Variants in SLC4A11 observed in about 807,000 individuals in gnomAD.
SLC4A11 encodes the protein solute carrier family 4 member 11, also known as bicarbonate transporter related protein 1.
In SLC4A11, 74 loss-of-function variants were observed where a neutral mutation model predicts 95.0. The observed-to-expected ratio is 0.78, with a 90% CI of 0.65 to 0.95. The LOEUF (loss-of-function observed/expected upper bound fraction) is 0.95. SLC4A11 is among the 40% of genes least tolerant of loss of function. The pLI is 0.00. For missense variants in SLC4A11, 1,081 were observed against 1,192.4 expected (o/e 0.91, Z 1.38); for synonymous variants, 548 against 519.0 (o/e 1.06, Z -0.76).
intron 1 of SLC4A11, 27 bp from the exon 2 acceptor site, chr20:3,237,615 G>GC: frequency 6.2e-7 from 1 of 1,614,056 alleles, no homozygotes; most frequent in Non-Finnish European, 8.5e-7. Flanking sequence ...AAGGTCACCA[G>GC]CCCCATGGAC....
At chr20:3,233,471 C>T (rs370076037) in intron 7 of SLC4A11, 43 bp downstream of exon 7, 65 of 1,611,162 alleles carry the variant, frequency 4.0e-5, no homozygotes, top group Non-Finnish European at 5.3e-5. Flanking sequence ...GCGGGTAACC[C>T]GGGGCCCTCC....
rs773029240 is a variant in SLC4A11 at position 3,230,280 on chromosome 20, C to G, written c.1416-20G>C. The G allele has an allele frequency of 6.2e-7, 1 of 1,613,376 alleles. No individual in the cohort carries two copies. Among genetic ancestry groups the G allele is most frequent in the South Asian group, 1.1e-5 (1 of 91,086 alleles). ...GTCGACCTGCCAGGAGGCCATGAGC[C>G]TCATCAGAGTGGGTGTGGTCAGGGG... On this transcript the variant is annotated intron_variant, in intron 12 of 19. Coordinates refer to ENST00000642402, the MANE Select transcript of SLC4A11 (RefSeq NM_001174089.2).
At chr20:3,233,807 G>T in intron 6 of SLC4A11, 114 bp downstream of exon 6, 2 of 1,513,626 alleles carry the variant, frequency 1.3e-6, no homozygotes, top group African/African-American at 2.7e-5. Flanking sequence ...CAAGTTGGTT[G>T]GGCCGCCAGA....
chr20:3,238,868 A>G (rs2068071442), intron 1 of SLC4A11: 4 of 1,224,186 alleles, frequency 3.3e-6, no homozygotes, highest in African/African-American at 1.6e-5. Context: ...CAAGACGGCG[A>G]CAGCAGAGCC....
At chr20:3,228,814 G>C in intron 17 of SLC4A11, 24 bp downstream of exon 17, 1 of 1,613,572 alleles carries the variant, frequency 6.2e-7, no homozygotes, top group Non-Finnish European at 8.5e-7. Flanking sequence ...CAGGGTCCAC[G>C]GCTCTTGCCA....
chr20:3,228,470 T>A, intron 18 of SLC4A11, 42 bp from the exon 19 acceptor site: 1 of 1,612,860 alleles, frequency 6.2e-7, no homozygotes, highest in Middle Eastern at 1.7e-4. Flanking sequence ...CATGGGGCTG[T>A]GTCCCCACCC....
rs1053388377 is a variant in SLC4A11, at chr20:3,239,147, G to A, written c.-10C>T. On this transcript the variant is annotated 5_prime_UTR_variant, in exon 1 of 20. Coordinates refer to ENST00000642402, the MANE Select transcript of SLC4A11 (RefSeq NM_001174089.2). ...TGGTGGCCGCGGCCATGGCACACTC[G>A]CGCACTCACGGCCGGGCTCCTCACG... The A allele has an allele frequency of 1.4e-6, 2 of 1,465,936 alleles. No individual in the cohort carries two copies. The highest frequency in any genetic ancestry group is 9.0e-7 in the Non-Finnish European group (1 of 1,112,274). The allele number at this position is 1,465,936 out of a possible 1,614,324, so 90.8% of individuals were successfully genotyped here.
At chr20:3,237,500 G>A (rs965123576) in intron 2 of SLC4A11, 44 bp downstream of exon 2, 10 of 1,603,804 alleles carry the variant, frequency 6.2e-6, no homozygotes, top group Non-Finnish European at 8.5e-6. Context: ...GCTTTTGCCC[G>A]ACAAGCTCTC....
At position 3,238,394 on chromosome 20, in the gene SLC4A11, C is replaced by G. The variant is rs527666710; in HGVS notation, c.43+701G>C. ...TCGGGGCGCAGGATGTGAATGCAGG[C>G]GCGGGGCGGGAGCCGGGGCTGCATC... On this transcript the variant is annotated intron_variant, in intron 1 of 19. Transcript: ENST00000642402. 154 of 984,156 alleles carry G rather than the reference C, an allele frequency of 1.6e-4. 1 individual carries two copies. The Middle Eastern group carries it at 2.6e-3, about 17-fold the overall frequency. The allele number at this position is 984,156 out of a possible 1,614,324, so 61.0% of individuals were successfully genotyped here.
Position 3,228,724 on chromosome 20 carries a change from CG to C in SLC4A11, c.2193-18del. 1 of 1,612,722 alleles carries C rather than the reference CG, an allele frequency of 6.2e-7. No individual in the cohort carries two copies. Among genetic ancestry groups the C allele is most frequent in the Non-Finnish European group, 8.5e-7 (1 of 1,179,766 alleles). ...TTCACAATCCTGCGGTGGCCCGAGC[CG>C]CGAGTGTCACCTCTGCGCCCCTGTC... is the stretch of plus-strand genomic sequence containing the variant. On this transcript the variant is annotated intron_variant, in intron 17 of 19. Coordinates refer to ENST00000642402, the MANE Select transcript of SLC4A11 (RefSeq NM_001174089.2).
rs751709036 is a variant in SLC4A11, at chr20:3,227,839, C to T, written c.2576G>A (p.Arg859Gln). Residue 859 changes from arginine (R) to glutamine (Q), a missense_variant, in exon 20 of 20, where the codon CGA (arginine) becomes CAA (glutamine). Transcript: ENST00000642402. Reference protein sequence around the residue: ...MIPIRYILLPRIIEAKYLDVM... With the variant: ...MIPIRYILLPQIIEAKYLDVM... ...ATCCAAGTACTTGGCTTCAATGATT[C>T]GGGGCAGCAGGATATAGCTGTGGGG... 30 of 1,612,928 alleles carry T rather than the reference C, an allele frequency of 1.9e-5. No individual in the cohort carries two copies. The Middle Eastern group carries it at 4.9e-4, about 27-fold the overall frequency.
intron 2 of SLC4A11, among the ~76,000 whole-genome samples, chr20:3,236,867 G>C (rs989959418): frequency 6.6e-6 from 1 of 152,094 alleles, no homozygotes; most frequent in Non-Finnish European, 1.5e-5. Flanking sequence ...GACCTGCCCA[G>C]CTGACACTAC....
At chr20:3,235,222 G>C (rs868556007) in intron 2 of SLC4A11, among the ~76,000 whole-genome samples, 5 of 151,956 alleles carry the variant, frequency 3.3e-5, no homozygotes, top group Admixed American at 6.6e-5. Context: ...GAGACTGCCT[G>C]GCCCCTGCCC....
At position 3,228,406 on chromosome 20, in the gene SLC4A11, T is replaced by C. The variant is rs2067615722; in HGVS notation, c.2411A>G (p.Tyr804Cys). ...CTTCCTCTGGGGCACCCTCCGGATGTAGTGTGTCGGGGGGTACGCAGTCTG... is the reference window on the plus strand; with the variant it reads ...CTTCCTCTGGGGCACCCTCCGGATGCAGTGTGTCGGGGGGTACGCAGTCTG... ...KEQTAYPPTH[Y>C]IRRVPQRKIH... The change falls in exon 19 of 20, where the codon TAC (tyrosine) becomes TGC (cysteine). Residue 804 changes from tyrosine to cysteine, a missense_variant. By Grantham distance (194) the Tyr-to-Cys change is radical. This residue lies in a region of SLC4A11 where 767 missense variants were observed against 858.0 expected (regional missense o/e 0.89). Coordinates refer to ENST00000642402, the MANE Select transcript of SLC4A11 (RefSeq NM_001174089.2). 3 of 1,613,194 alleles carry C rather than the reference T, an allele frequency of 1.9e-6. No homozygotes were observed. The highest frequency in any genetic ancestry group is 1.7e-6 in the Non-Finnish European group (2 of 1,179,952).
Position 3,231,315 on chromosome 20 carries a change from G to T in SLC4A11, c.948+15C>A. The T allele has an allele frequency of 6.2e-7, 1 of 1,613,682 alleles. No individual in the cohort carries two copies. On this transcript the variant is annotated intron_variant, in intron 8 of 19. Transcript: ENST00000642402. The surrounding 1 kb of genome is among the most constrained non-coding windows in gnomAD (Gnocchi z 5.2). ...CCGCCGACCCTGCCGGCCCCCGCCG[G>T]CCTCTACCCTGTACCTCTGGGTGTC...
chr20:3,235,529 C>T (rs1431523831), intron 2 of SLC4A11, among the ~76,000 whole-genome samples: 1 of 152,082 alleles, frequency 6.6e-6, no homozygotes, highest in African/African-American at 2.4e-5. Context: ...TCATGTCAGC[C>T]CTGCCCCCAT....
At chr20:3,239,349 C>T (rs945497739), upstream of SLC4A11, 27 of 1,141,152 alleles carry the variant, frequency 2.4e-5, no homozygotes, top group South Asian at 1.3e-4. Context: ...CGCCCTCACC[C>T]GCGGGAGGCT....
Position 3,234,710 on chromosome 20 carries a change from C to T in SLC4A11, c.241+32G>A, listed in dbSNP as rs762942824. The T allele has an allele frequency of 1.1e-4, 181 of 1,613,710 alleles. No homozygotes were observed. Among genetic ancestry groups the T allele is most frequent in the Non-Finnish European group, 1.4e-4 (167 of 1,179,996 alleles). Reference sequence around the variant, plus strand: ...TCACACCTGCCCAGTCCCGTGCCTTCCCCCAGTCTGCCCCTGCTGCAGCCC... The same window carrying T: ...TCACACCTGCCCAGTCCCGTGCCTTTCCCCAGTCTGCCCCTGCTGCAGCCC... On this transcript the variant is annotated intron_variant, in intron 3 of 19. Transcript: ENST00000642402. The surrounding 1 kb of genome is among the most constrained non-coding windows in gnomAD (Gnocchi z 5.8).
At chr20:3,230,106 G>T in intron 13 of SLC4A11, 81 bp downstream of exon 13, 1 of 1,484,854 alleles carries the variant, frequency 6.7e-7, no homozygotes, top group South Asian at 1.1e-5. Context: ...CCAGTCCTAT[G>T]TGCCCCCAGC....
Sources: gnomAD v4.1 joint callset for allele counts (sites outside exome capture counted in the v4.1 genomes callset) on GRCh38, gnomAD v4.1.1 for gene constraint, gnomAD v4.1.1 regional missense constraint, Gnocchi (gnomAD v3.1) non-coding constraint, MANE v1.5 for transcripts, NCBI Gene and HGNC (gene_info 2026-07-23, HGNC 2026-07-21) for gene names.